The following ATP6AP2 variants were observed in gnomAD, a reference collection of about 807,000 sequenced individuals.
ATP6AP2 encodes the protein ATPase H+ transporting accessory protein 2, also known as renin receptor.
In ATP6AP2, 1 loss-of-function variant was observed where a neutral mutation model predicts 23.4. The observed-to-expected ratio is 0.04, with a 90% CI of 0.02 to 0.20. The LOEUF (loss-of-function observed/expected upper bound fraction) is 0.20. Ranked by LOEUF, ATP6AP2 falls within the 10% of genes least tolerant of loss-of-function variation. The pLI is 1.00. For synonymous variants in ATP6AP2, 90 were observed against 97.1 expected (o/e 0.93, Z 0.43); for missense variants, 174 against 271.3 (o/e 0.64, Z 2.52).
chrX:40,591,111 TC>T (rs1385667090), intron 2 of ATP6AP2, 122 bp from the exon 3 acceptor site: 8 of 874,123 alleles, frequency 9.2e-6, no homozygotes, highest in Non-Finnish European at 1.3e-5. Flanking sequence ...ATGTTTACTT[TC>T]CCTGTGAATT....
rs760115306 is a variant in ATP6AP2, at chrX:40,597,366, C to T, written c.396+22C>T. The T allele has an allele frequency of 9.7e-6, 11 of 1,128,868 alleles. No homozygotes were observed. In the Admixed American group the frequency reaches 2.4e-4, roughly 25 times the overall value. 93.0% of individuals were successfully genotyped at this position (1,128,868 alleles called of 1,213,427 possible). The stretch of plus-strand genomic sequence containing the variant: ...GGAAGTAAGTGATAAGGGTTTTATT[C>T]AAGACATTTTAAAAAATAAGCTTTT... On this transcript the variant is annotated intron_variant, in intron 4 of 8. Coordinates refer to ENST00000636580, the MANE Select transcript of ATP6AP2 (RefSeq NM_005765.3).
At chrX:40,581,699 A>T (rs1926328596) in intron 1 of ATP6AP2, among the ~76,000 whole-genome samples, 1 of 112,129 alleles carries the variant, frequency 8.9e-6, no homozygotes. Context: ...AAGGATTTGG[A>T]AACAGGATGT....
At position 40,605,764 on chromosome X, in the gene ATP6AP2, T is replaced by C; in HGVS notation, c.*9T>C. On this transcript the variant is annotated 3_prime_UTR_variant, in exon 9 of 9. Transcript: ENST00000636580. ...AGATTCGAATGGATTGAATGTTACC[T>C]GTGCCAGAATTAGAAAAGGGGGTTG... 1 of 1,195,679 alleles carries C rather than the reference T, an allele frequency of 8.4e-7. No homozygotes were observed. The highest frequency in any genetic ancestry group is 1.7e-5 in the African/African-American group (1 of 57,481).
chrX:40,593,977 C>A (rs1205169712), intron 3 of ATP6AP2, among the ~76,000 whole-genome samples: 1 of 111,711 alleles, frequency 9.0e-6, no homozygotes, highest in African/African-American at 3.3e-5. Context: ...AGTGGGCTTG[C>A]TGGATCATGC....
chrX:40,591,116 G>A (rs906916611), intron 2 of ATP6AP2, 118 bp from the exon 3 acceptor site: 4 of 923,696 alleles, frequency 4.3e-6, no homozygotes, highest in Middle Eastern at 4.0e-4. Context: ...TACTTTCCCT[G>A]TGAATTTTCC....
chrX:40,593,972 G>C (rs12832882), intron 3 of ATP6AP2, among the ~76,000 whole-genome samples: 5,183 of 111,692 alleles, frequency 0.046, 142 homozygotes, highest in Non-Finnish European at 0.067. Flanking sequence ...CCAGAAGTGG[G>C]CTTGCTGGAT....
At chrX:40,605,525 T>C in intron 8 of ATP6AP2, 36 bp from the exon 9 acceptor site, 1 of 1,100,861 alleles carries the variant, frequency 9.1e-7, no homozygotes, top group South Asian at 1.8e-5. Context: ...TTTAAAATTC[T>C]TCCCTCTTGA....
In ATP6AP2 at chrX:40,601,283, C is replaced by T. The variant is rs182934394; in HGVS notation, c.858+402C>T. ...GGAGTTTGAGGCCAGTCTGAGGAAACATAGCAAGACCCTGTTTTGAAAACA... is the reference window on the plus strand; with the variant it reads ...GGAGTTTGAGGCCAGTCTGAGGAAATATAGCAAGACCCTGTTTTGAAAACA... On this transcript the variant is annotated intron_variant, in intron 8 of 8. Coordinates refer to ENST00000636580, the MANE Select transcript of ATP6AP2 (RefSeq NM_005765.3). Among the ~76,000 whole-genome samples the T allele has an allele frequency of 2.9e-3, 321 of 110,343 alleles. 1 individual carries two copies. The highest frequency in any genetic ancestry group is 0.01 in the African/African-American group (312 of 30,277).
chrX:40,598,991 A>G (rs978212674), intron 6 of ATP6AP2: 18 of 385,953 alleles, frequency 4.7e-5, no homozygotes, highest in African/African-American at 4.3e-4. Flanking sequence ...CACCCTGGCC[A>G]TAGTCCTAAC....
chrX:40,588,625 G>C (rs901219144), intron 1 of ATP6AP2, among the ~76,000 whole-genome samples: 1 of 110,691 alleles, frequency 9.0e-6, no homozygotes, highest in African/African-American at 3.3e-5. Flanking sequence ...GCCTCTTTAA[G>C]AGCCATCAGT....
At chrX:40,589,866 T>C (rs1260054070) in intron 2 of ATP6AP2, 1 of 111,790 alleles carries the variant, frequency 8.9e-6, no homozygotes, top group Non-Finnish European at 1.9e-5. Context: ...TCTCTAGATA[T>C]ATATCATCAG....
intron 6 of ATP6AP2, chrX:40,598,960 A>AC: frequency 2.4e-6 from 1 of 412,513 alleles, no homozygotes; most frequent in Non-Finnish European, 4.2e-6. Flanking sequence ...TCTTCCAAGA[A>AC]CACAAGCCTG....
chrX:40,590,409 C>T (rs1017970306), intron 2 of ATP6AP2: 3 of 110,763 alleles, frequency 2.7e-5, no homozygotes, highest in African/African-American at 6.6e-5. Flanking sequence ...TACAGGGTCC[C>T]GCTCTATCAC....
rs1375340738 is a variant in ATP6AP2, at chrX:40,605,843, T to C, written c.*88T>C. 1 of 804,176 alleles carries C rather than the reference T, an allele frequency of 1.2e-6. No homozygotes were observed. Among genetic ancestry groups the C allele is most frequent in the Non-Finnish European group, 1.8e-6 (1 of 553,452 alleles). 66.3% of individuals were successfully genotyped at this position (804,176 alleles called of 1,213,427 possible). On this transcript the variant is annotated 3_prime_UTR_variant, in exon 9 of 9. Coordinates refer to ENST00000636580, the MANE Select transcript of ATP6AP2 (RefSeq NM_005765.3). ...TTTTAGTGTGCTTTAAAGTAGATAGTATACTTTACATTTATAAAAAAAAAT... is the reference window on the plus strand; with the variant it reads ...TTTTAGTGTGCTTTAAAGTAGATAGCATACTTTACATTTATAAAAAAAAAT...
At chrX:40,585,727 G>T (rs1005555426) in intron 1 of ATP6AP2, among the ~76,000 whole-genome samples, 1 of 110,663 alleles carries the variant, frequency 9.0e-6, no homozygotes, top group Non-Finnish European at 1.9e-5. Flanking sequence ...GTGGTGGTGC[G>T]TGCCTGTAGT....
intron 3 of ATP6AP2, chrX:40,595,967 C>T (rs1926765507): frequency 9.0e-6 from 1 of 111,204 alleles, no homozygotes; most frequent in Non-Finnish European, 1.9e-5. Flanking sequence ...TCACATCAGG[C>T]CAGGAGTTTG....
intron 6 of ATP6AP2, 118 bp downstream of exon 6, chrX:40,598,852 G>C (rs1926836055): frequency 2.8e-6 from 2 of 712,335 alleles, no homozygotes; most frequent in Admixed American, 5.5e-5. Flanking sequence ...ATGATCCCAT[G>C]AAAATTGAAA....
At chrX:40,584,614 A>G (rs1169765551) in intron 1 of ATP6AP2, among the ~76,000 whole-genome samples, 1 of 110,798 alleles carries the variant, frequency 9.0e-6, no homozygotes, top group Non-Finnish European at 1.9e-5. Context: ...CCGAGTAGCT[A>G]GGATTACAGG....
Position 40,606,032 on chromosome X carries a change from T to A in ATP6AP2, c.*277T>A. The A allele has an allele frequency of 3.3e-6, 1 of 303,546 alleles. No individual in the cohort carries two copies. Among genetic ancestry groups the A allele is most frequent in the Admixed American group, 5.7e-5 (1 of 17,590 alleles). The allele number at this position is 303,546 out of a possible 1,213,427, so 25.0% of individuals were successfully genotyped here. On this transcript the variant is annotated 3_prime_UTR_variant, in exon 9 of 9. Transcript: ENST00000636580. The stretch of plus-strand genomic sequence containing the variant: ...ATTCTGTTTAATGAATTTGGAAATA[T>A]GCACTGAAAGAAATGTAAAACATTT...
Sources: allele counts gnomAD v4.1 joint callset (sites outside exome capture counted in the v4.1 genomes callset), GRCh38; gene constraint gnomAD v4.1.1; transcripts MANE v1.5; gene names NCBI Gene and HGNC (gene_info 2026-07-23, HGNC 2026-07-21).